Variants in CDC42BPB observed in about 807,000 individuals in gnomAD.
CDC42BPB encodes the protein serine/threonine-protein kinase MRCK beta.
In CDC42BPB, 37 loss-of-function variants were observed where a neutral mutation model predicts 214.9. The ratio of observed to expected loss-of-function variants is 0.17; its 90% CI spans 0.13 to 0.23. The LOEUF is 0.23. Ranked by LOEUF, CDC42BPB falls within the 10% of genes least tolerant of loss-of-function variation. CDC42BPB has a pLI of 1.00. For missense variants in CDC42BPB, 1,694 were observed against 2,227.0 expected (o/e 0.76, Z 4.82); for synonymous variants, 931 against 884.0 (o/e 1.05, Z -0.94).
At chr14:102,993,594 CAGA>C (rs1201200634) in intron 5 of CDC42BPB, among the ~76,000 whole-genome samples, 5 of 151,746 alleles carry the variant, frequency 3.3e-5, no homozygotes, top group African/African-American at 1.2e-4. Flanking sequence ...CTCCTGGAAG[CAGA>C]AGCAGACCCA....
chr14:103,027,909 C>G (rs1887141403), intron 1 of CDC42BPB, among the ~76,000 whole-genome samples: 1 of 152,114 alleles, frequency 6.6e-6, no homozygotes, highest in African/African-American at 2.4e-5. Context: ...GCAGGTGGAT[C>G]ACTTGAGGTC....
chr14:102,978,701 C>G (rs1893867001), intron 8 of CDC42BPB, among the ~76,000 whole-genome samples: 1 of 152,264 alleles, frequency 6.6e-6, no homozygotes, highest in Non-Finnish European at 1.5e-5. Context: ...GAGGATCTTT[C>G]TTTATTAAAA....
chr14:102,978,066 C>CT, intron 9 of CDC42BPB, 60 bp downstream of exon 9: 1 of 1,308,104 alleles, frequency 7.6e-7, no homozygotes, highest in Non-Finnish European at 1.1e-6. Context: ...ACTGTGGTGT[C>CT]TGACTGTTCA....
At chr14:102,995,581 C>G (rs1378879682) in intron 5 of CDC42BPB, among the ~76,000 whole-genome samples, 1 of 152,230 alleles carries the variant, frequency 6.6e-6, no homozygotes, top group South Asian at 2.1e-4. Flanking sequence ...GGGGCACCCA[C>G]AGGGTCCTGG....
chr14:103,000,682 C>T (rs935232016), intron 4 of CDC42BPB, among the ~76,000 whole-genome samples: 2 of 152,216 alleles, frequency 1.3e-5, no homozygotes, highest in African/African-American at 4.8e-5. Context: ...GGAGTAAACG[C>T]CCTGTTTATC....
Position 103,029,056 on chromosome 14 carries a change from T to C in CDC42BPB, c.176-16868A>G, listed in dbSNP as rs1194934234. ...TGAATAGTCAATATGTCAGGAATAC[T>C]ATGGTGTTAAAAAAGAAAAAAAGGA... On this transcript the variant is annotated intron_variant, in intron 1 of 36. Transcript: ENST00000361246. 2.0e-5 allele frequency among the ~76,000 whole-genome samples: 3 copies of C among 152,326 alleles called. No homozygotes were observed. The East Asian group carries it at 5.8e-4, about 29-fold the overall frequency.
Position 102,944,275 on chromosome 14 carries a change from T to A in CDC42BPB, c.4024A>T (p.Thr1342Ser), listed in dbSNP as rs775397689. The A allele has an allele frequency of 1.2e-6, 2 of 1,613,104 alleles. No homozygotes were observed. The highest frequency in any genetic ancestry group is 3.3e-5 in the Admixed American group (2 of 60,026). ...ATATLKRNSG[T>S]CLFVAVKRLI... ...CGTTTCACGGCCACAAACAGGCAGG[T>A]GCCAGAGTTCCTCTTGAGTGTGGCC... Residue 1342 changes from threonine (T) to serine (S), a missense_variant, in exon 30 of 37, where the codon ACC (threonine) becomes TCC (serine). Around this residue, in one of 7 missense-constraint regions of CDC42BPB, gnomAD observed 567 missense variants for 790.3 expected, o/e 0.72. Coordinates refer to ENST00000361246, the MANE Select transcript of CDC42BPB (RefSeq NM_006035.4). This position sits in a 1 kb window ranked among gnomAD's most constrained non-coding sequence, Gnocchi z 6.6.
At chr14:103,002,782 C>T (rs535825740) in intron 4 of CDC42BPB, among the ~76,000 whole-genome samples, 2 of 152,268 alleles carry the variant, frequency 1.3e-5, no homozygotes, top group South Asian at 4.1e-4. Flanking sequence ...ATCACTGGGT[C>T]GTTGGGAAGA....
rs186821369 is a variant in CDC42BPB at position 102,970,004 on chromosome 14, C to A, written c.1995+147G>T. On this transcript the variant is annotated intron_variant, in intron 14 of 36. Transcript: ENST00000361246. ...TCACGAAGGCAGGGGTCACACCCCCCACCTCTCCACATGTGGGTCTTGTCT... is the reference window on the plus strand; with the variant it reads ...TCACGAAGGCAGGGGTCACACCCCCAACCTCTCCACATGTGGGTCTTGTCT... 647 of 577,108 alleles carry A rather than the reference C, an allele frequency of 1.1e-3. 5 individuals are homozygous for A. Among genetic ancestry groups the A allele is most frequent in the African/African-American group, 0.011 (591 of 53,814 alleles). 35.7% of individuals were successfully genotyped at this position (577,108 alleles called of 1,614,324 possible).
chr14:102,966,172 G>A, intron 18 of CDC42BPB, 110 bp downstream of exon 18: 2 of 753,556 alleles, frequency 2.7e-6, no homozygotes, highest in South Asian at 1.7e-5. Flanking sequence ...TTACACAGAA[G>A]TCTCTTGCAT....
At chr14:102,981,096 A>C (rs1405804774) in intron 7 of CDC42BPB, 75 bp from the exon 8 acceptor site, 2 of 1,584,140 alleles carry the variant, frequency 1.3e-6, no homozygotes, top group African/African-American at 2.7e-5. Flanking sequence ...ATATGATAGG[A>C]AACAAAGTAG....
chr14:102,959,115 G>A (rs1291516897), intron 21 of CDC42BPB, among the ~76,000 whole-genome samples: 2 of 151,870 alleles, frequency 1.3e-5, no homozygotes, highest in Non-Finnish European at 2.9e-5. Context: ...TCGCCAATAT[G>A]GTGAAACCCT....
Position 102,973,216 on chromosome 14 carries a change from C to T in CDC42BPB, c.1641+800G>A, listed in dbSNP as rs565409974. Among the ~76,000 whole-genome samples, 4 of 152,312 alleles carry T rather than the reference C, an allele frequency of 2.6e-5. No homozygotes were observed. In the East Asian group the frequency reaches 7.7e-4, roughly 29 times the overall value. On this transcript the variant is annotated intron_variant, in intron 12 of 36. Transcript: ENST00000361246. The stretch of plus-strand genomic sequence containing the variant: ...TATGACCCTGTCAAGCAATGAGATG[C>T]CATGTGCCCCACACTGCACTTCTAG...
intron 13 of CDC42BPB, among the ~76,000 whole-genome samples, chr14:102,970,952 T>TAAA (rs1432321043): frequency 2.0e-5 from 3 of 152,334 alleles, no homozygotes; most frequent in Non-Finnish European, 4.4e-5. Context: ...AAGGAAATTT[T>TAAA]AATAGAGTTC....
chr14:103,040,584 G>A (rs577984858), intron 1 of CDC42BPB, among the ~76,000 whole-genome samples: 22 of 151,766 alleles, frequency 1.4e-4, no homozygotes, highest in African/African-American at 3.9e-4. Context: ...TCAGCCTCCC[G>A]AGTAGGTGGG....
intron 1 of CDC42BPB, among the ~76,000 whole-genome samples, chr14:103,051,154 C>CGGGGGGGGGGGGGG (rs1179516926): frequency 2.2e-3 from 15 of 6,820 alleles, no homozygotes; most frequent in Middle Eastern, 0.056. Flanking sequence ...GTATTTGGGG[C>CGGGGGGGGGGGGGG]GGGGGGGCGG....
At chr14:103,016,853 C>T (rs1472982408) in intron 1 of CDC42BPB, among the ~76,000 whole-genome samples, 1 of 152,060 alleles carries the variant, frequency 6.6e-6, no homozygotes, top group African/African-American at 2.4e-5. Flanking sequence ...AGTTCAGCTA[C>T]AAGCACACCC....
chr14:102,964,977 G>A (rs992246013), intron 18 of CDC42BPB, among the ~76,000 whole-genome samples: 1 of 151,524 alleles, frequency 6.6e-6, no homozygotes, highest in Non-Finnish European at 1.5e-5. Context: ...CTAGGCTGGA[G>A]TGCAATGGCG....
At chr14:102,971,876 A>C in intron 13 of CDC42BPB, 43 bp downstream of exon 13, 1 of 1,580,334 alleles carries the variant, frequency 6.3e-7, no homozygotes. Context: ...AAAGTCACAC[A>C]AATGTCCAGT....
Sources: gnomAD v4.1 joint callset for allele counts (sites outside exome capture counted in the v4.1 genomes callset) on GRCh38, gnomAD v4.1.1 for gene constraint, gnomAD v4.1.1 regional missense constraint, Gnocchi (gnomAD v3.1) non-coding constraint, MANE v1.5 for transcripts, NCBI Gene and HGNC (gene_info 2026-07-23, HGNC 2026-07-21) for gene names.